Variants in RASSF3 observed in about 807,000 individuals in gnomAD.
RASSF3 encodes ras association domain-containing protein 3.
A neutral mutation model predicts 19.9 loss-of-function variants in RASSF3; 19 were observed. That is an observed-to-expected ratio of 0.96 (90% CI 0.67 to 1.40). The LOEUF (loss-of-function observed/expected upper bound fraction) is 1.40. Ranked by LOEUF, RASSF3 falls within the 40% of genes most tolerant of loss-of-function variation. The pLI is 0.00. For synonymous variants in RASSF3, 110 were observed against 104.2 expected (o/e 1.06, Z -0.34); for missense variants, 306 against 289.8 (o/e 1.06, Z -0.41).
chr12:64,508,930 T>TA lies in RASSF3; in HGVS notation c.169+1611dup, dbSNP rs11327664. On this transcript the variant is annotated intron_variant, in intron 1 of 5. Transcript: ENST00000637125. ...CAAAAACAAAACCATGCAATTCATTTAAAAAAAAAAGAAATTTATAAAATA... is the reference window on the plus strand; with the variant it reads ...CAAAAACAAAACCATGCAATTCATTTAAAAAAAAAAAGAAATTTATAAAATA... Among the ~76,000 whole-genome samples the TA allele has an allele frequency of 3.9e-3, 584 of 149,832 alleles. 1 individual carries two copies. The highest frequency in any genetic ancestry group is 5.9e-3 in the Non-Finnish European group (397 of 67,124).
rs151182412 is a variant in RASSF3 at position 64,586,871 on chromosome 12, G to A, written c.294+45166G>A. Among the ~76,000 whole-genome samples the A allele has an allele frequency of 6.9e-3, 1,041 of 150,654 alleles. 10 individuals are homozygous for A. The highest frequency in any genetic ancestry group is 0.025 in the African/African-American group (1,013 of 41,056). On this transcript the variant is annotated intron_variant, in intron 2 of 5. Coordinates refer to the RASSF3 transcript ENST00000637125. Reference sequence around the variant, plus strand: ...ACGGGAGGTGGAGGTTGCAGTAAGCGGAGATCATGGCACTGCACTCCAGCT... The same window carrying A: ...ACGGGAGGTGGAGGTTGCAGTAAGCAGAGATCATGGCACTGCACTCCAGCT...
intron 1 of RASSF3, among the ~76,000 whole-genome samples, chr12:64,645,498 C>A (rs747822273): frequency 6.6e-6 from 1 of 151,852 alleles, no homozygotes; most frequent in African/African-American, 2.4e-5. Flanking sequence ...CATAGTGAGA[C>A]CCTGTCTCTA....
chr12:64,520,413 G>A (rs1052261261), intron 1 of RASSF3, among the ~76,000 whole-genome samples: 12 of 151,374 alleles, frequency 7.9e-5, no homozygotes, highest in African/African-American at 2.2e-4. Flanking sequence ...CGCCCGCCTC[G>A]GCCTCCCAAA....
In RASSF3 at chr12:64,610,740, A is replaced by T; in HGVS notation, c.108A>T (p.Gln36His). ...CCCAGGGCAAGCCCCGCTCCGGCCA[A>T]CAAGTGAGTGGCGCGCGGCGGGCGC... is the stretch of plus-strand genomic sequence containing the variant. The part of the protein sequence containing the change: ...RAPQGKPRSG[Q>H]QDVEKEKETH... Residue 36 changes from glutamine to histidine, a missense_variant, in exon 1 of 5, where the codon CAA becomes CAT. Transcript: ENST00000542104. The T allele has an allele frequency of 6.3e-7, 1 of 1,581,832 alleles. No individual in the cohort carries two copies. The highest frequency in any genetic ancestry group is 8.6e-7 in the Non-Finnish European group (1 of 1,164,900).
chr12:64,592,937 A>G (rs942361807), intron 2 of RASSF3, among the ~76,000 whole-genome samples: 1 of 151,930 alleles, frequency 6.6e-6, no homozygotes, highest in African/African-American at 2.4e-5. Flanking sequence ...ACTGTGCATG[A>G]CTGGCGTTTG....
intron 1 of RASSF3, among the ~76,000 whole-genome samples, chr12:64,535,740 T>G (rs1592392930): frequency 6.7e-6 from 1 of 150,268 alleles, no homozygotes; most frequent in Admixed American, 6.7e-5. Flanking sequence ...CAGGCTGGAG[T>G]GCAATGGCAT....
intron 4 of RASSF3, among the ~76,000 whole-genome samples, chr12:64,693,314 C>A (rs974917118): frequency 6.6e-6 from 1 of 152,054 alleles, no homozygotes. Flanking sequence ...GGATCCAGGG[C>A]CCCCTTTGGG....
At chr12:64,557,080 G>A (rs1039167742) in intron 2 of RASSF3, among the ~76,000 whole-genome samples, 4 of 151,886 alleles carry the variant, frequency 2.6e-5, no homozygotes, top group East Asian at 1.9e-4. Flanking sequence ...CAGGTGATCC[G>A]CCCACCTCGG....
intron 2 of RASSF3, among the ~76,000 whole-genome samples, chr12:64,568,138 T>A (rs148437637): frequency 3.9e-3 from 593 of 152,304 alleles, no homozygotes; most frequent in African/African-American, 0.013. Context: ...TTCAAGTGAT[T>A]TTCCTGCCTC....
chr12:64,575,052 G>T (rs991197666), intron 2 of RASSF3, among the ~76,000 whole-genome samples: 11 of 152,124 alleles, frequency 7.2e-5, no homozygotes, highest in African/African-American at 2.4e-4. Flanking sequence ...GGATACCTTA[G>T]CCAATGCAAT....
chr12:64,685,009 C>T (rs2136219254), intron 2 of RASSF3, 115 bp downstream of exon 2: 1 of 658,406 alleles, frequency 1.5e-6, no homozygotes. Flanking sequence ...GTGTAGTAGT[C>T]AAGGTATACA....
At chr12:64,601,466 C>T (rs542311220) in intron 2 of RASSF3, among the ~76,000 whole-genome samples, 2 of 152,236 alleles carry the variant, frequency 1.3e-5, no homozygotes, top group African/African-American at 4.8e-5. Context: ...GATGAAGATC[C>T]TCATAGTATT....
At chr12:64,545,291 A>C (rs1387620096), downstream of RASSF3, among the ~76,000 whole-genome samples, 1 of 152,190 alleles carries the variant, frequency 6.6e-6, no homozygotes, top group African/African-American at 2.4e-5. Context: ...GTGGAGTTCA[A>C]GTGTAAGGTT....
chr12:64,557,085 C>A (rs574938632), intron 2 of RASSF3, among the ~76,000 whole-genome samples: 32 of 152,230 alleles, frequency 2.1e-4, no homozygotes, highest in African/African-American at 7.7e-4. Flanking sequence ...GATCCGCCCA[C>A]CTCGGCCTCC....
intron 1 of RASSF3, among the ~76,000 whole-genome samples, chr12:64,625,028 G>A (rs1870937949): frequency 6.6e-6 from 1 of 152,168 alleles, no homozygotes; most frequent in South Asian, 2.1e-4. Context: ...TCATTTGAGG[G>A]TAGTAGACCA....
At chr12:64,537,939 C>CACATG (rs1333158553) in intron 1 of RASSF3, among the ~76,000 whole-genome samples, 1 of 152,036 alleles carries the variant, frequency 6.6e-6, no homozygotes. Flanking sequence ...GCTGCATCCT[C>CACATG]ACATGGCCTC....
chr12:64,621,216 G>C (rs528307789), intron 1 of RASSF3, among the ~76,000 whole-genome samples: 18 of 152,328 alleles, frequency 1.2e-4, no homozygotes, highest in African/African-American at 3.4e-4. Flanking sequence ...GATTACAGAC[G>C]TGAGGCACTG....
chr12:64,621,691 C>G (rs148413461), intron 1 of RASSF3, among the ~76,000 whole-genome samples: 1 of 152,150 alleles, frequency 6.6e-6, no homozygotes. Flanking sequence ...TGGATGGTCT[C>G]GAACTCCTGA....
chr12:64,641,344 C>G (rs189819367), intron 1 of RASSF3, among the ~76,000 whole-genome samples: 5 of 150,804 alleles, frequency 3.3e-5, no homozygotes, highest in East Asian at 1.9e-4. Context: ...TGCAGTGAGC[C>G]GAGACCGTAC....
Sources: gnomAD v4.1 joint callset for allele counts (sites outside exome capture counted in the v4.1 genomes callset) on GRCh38, gnomAD v4.1.1 for gene constraint, MANE v1.5 for transcripts, NCBI Gene and HGNC (gene_info 2026-07-23, HGNC 2026-07-21) for gene names.